REEP5: variants seen among roughly 807,000 people sequenced by gnomAD.
REEP5 encodes receptor accessory protein 5, also known as receptor expression-enhancing protein 5.
REEP5 carries 24 observed loss-of-function variants against 22.4 expected under a neutral mutation model. The ratio of observed to expected loss-of-function variants is 1.07; its 90% CI spans 0.78 to 1.51. The LOEUF (loss-of-function observed/expected upper bound fraction) is 1.51, where lower values mean the gene tolerates loss of function less well. Among genes scored for constraint, REEP5 ranks in the 40% most tolerant of loss-of-function variants. The probability of loss-of-function intolerance (pLI) is 0.00; values close to 1 mark genes in which losing one functional copy is unlikely to be tolerated. For synonymous variants in REEP5, 103 were observed against 88.6 expected (o/e 1.16, Z -0.92); for missense variants, 252 against 233.0 (o/e 1.08, Z -0.53).
chr5:112,921,666 G>C (rs1007627229), intron 1 of REEP5: 1 of 241,418 alleles, frequency 4.1e-6, no homozygotes, highest in Non-Finnish European at 8.0e-6. Flanking sequence ...CCGCCCACCC[G>C]AGAGGCGCCC....
chr5:112,882,805 A>G (rs1305982460), intron 4 of REEP5, among the ~76,000 whole-genome samples: 2 of 152,158 alleles, frequency 1.3e-5, no homozygotes, highest in Non-Finnish European at 2.9e-5. Context: ...CTTCGCAACT[A>G]TTTCATACCT....
intron 3 of REEP5, chr5:112,891,645 T>G: frequency 6.2e-7 from 1 of 1,606,256 alleles, no homozygotes; most frequent in East Asian, 2.2e-5. Flanking sequence ...GCAAGATGGC[T>G]GCACTTGAGA....
intron 4 of REEP5, among the ~76,000 whole-genome samples, chr5:112,879,734 C>T (rs1768012112): frequency 6.6e-6 from 1 of 152,020 alleles, no homozygotes; most frequent in African/African-American, 2.4e-5. Flanking sequence ...CCTTGGCCTC[C>T]CAAAGTGCTG....
rs550859194 is a variant in REEP5 at position 112,878,249 on chromosome 5, T to C, written c.*537A>G. ...CAGCTTTTGGCAGGTGGTCTTACTG[T>C]ACAGAAGTTATAAATGACACATACA... On this transcript the variant is annotated 3_prime_UTR_variant, in exon 5 of 5. Transcript: ENST00000379638. 1 of 154,072 alleles carries C rather than the reference T, an allele frequency of 6.5e-6. No individual in the cohort carries two copies. The highest frequency in any genetic ancestry group is 2.0e-4 in the South Asian group (1 of 4,946). 9.5% of individuals were successfully genotyped at this position (154,072 alleles called of 1,614,324 possible).
chr5:112,902,465 T>C lies in REEP5; in HGVS notation c.266A>G (p.Tyr89Cys). 2 of 1,612,812 alleles carry C rather than the reference T, an allele frequency of 1.2e-6. No homozygotes were observed. Among genetic ancestry groups the C allele is most frequent in the East Asian group, 2.2e-5 (1 of 44,820 alleles). ...GCTGAACACACCATACACTACCCAG[T>C]AGGTCAGCCACTGGGTATCATCTTC... is the stretch of plus-strand genomic sequence containing the variant. ...NKEDDTQWLT[Y>C]WVVYGVFSIA... Residue 89 changes from tyrosine (Y) to cysteine (C), a missense_variant, in exon 3 of 5, where the codon TAC (tyrosine) becomes TGC (cysteine). By Grantham distance (194) the Tyr-to-Cys change is radical. Coordinates refer to ENST00000379638, the MANE Select transcript of REEP5 (RefSeq NM_005669.5).
intron 2 of REEP5, 49 bp downstream of exon 2, chr5:112,921,114 G>C (rs529613592): frequency 1.6e-5 from 25 of 1,565,490 alleles, no homozygotes; most frequent in South Asian, 2.2e-5. Context: ...CAGCCCTGCG[G>C]GGAGGAATGG....
intron 4 of REEP5, among the ~76,000 whole-genome samples, chr5:112,881,633 T>A (rs1458949110): frequency 1.3e-5 from 2 of 152,206 alleles, no homozygotes; most frequent in Middle Eastern, 3.2e-3. Context: ...ATTGCCACTT[T>A]CAGAATCTCA....
At chr5:112,890,350 A>C (rs1163700707) in intron 3 of REEP5, among the ~76,000 whole-genome samples, 8 of 144,768 alleles carry the variant, frequency 5.5e-5, no homozygotes, top group African/African-American at 2.2e-4. Context: ...ATACAGAATA[A>C]AGAACACAAA....
At chr5:112,886,444 C>T (rs1350966785) in intron 4 of REEP5, among the ~76,000 whole-genome samples, 6 of 152,164 alleles carry the variant, frequency 3.9e-5, no homozygotes, top group South Asian at 2.1e-4. Flanking sequence ...TTTCTCCTCC[C>T]GCTTTTTGGC....
At chr5:112,897,572 C>T (rs1212602385) in intron 3 of REEP5, 1 of 152,186 alleles carries the variant, frequency 6.6e-6, no homozygotes, top group African/African-American at 2.4e-5. Flanking sequence ...CCCTCTTGCT[C>T]AAGGCCAGAT....
At chr5:112,891,950 G>A in intron 3 of REEP5, 3 of 1,245,620 alleles carry the variant, frequency 2.4e-6, no homozygotes, top group Non-Finnish European at 3.6e-6. Context: ...GCTAAAAAAT[G>A]GCTAGAAGAA....
intron 2 of REEP5, among the ~76,000 whole-genome samples, chr5:112,915,588 A>C (rs1482249663): frequency 6.6e-6 from 1 of 152,220 alleles, no homozygotes; most frequent in East Asian, 1.9e-4. Flanking sequence ...ATTTAAATTA[A>C]GTAAATTAAA....
intron 2 of REEP5, among the ~76,000 whole-genome samples, chr5:112,908,635 C>T (rs569193537): frequency 6.6e-6 from 1 of 152,176 alleles, no homozygotes; most frequent in African/African-American, 2.4e-5. Context: ...ATGCCATTCT[C>T]CTGCCTCAAC....
rs570914184 is a variant in REEP5, at chr5:112,877,255, T to A, written c.*1531A>T. On this transcript the variant is annotated 3_prime_UTR_variant, in exon 5 of 5. Coordinates refer to ENST00000379638, the MANE Select transcript of REEP5 (RefSeq NM_005669.5). The stretch of plus-strand genomic sequence containing the variant: ...TAATATTTTTTACATCATGAGACAT[T>A]GTTATGATCTTACCTGATTGTTATC... The A allele has an allele frequency of 1.3e-5, 2 of 152,190 alleles. No individual in the cohort carries two copies. The highest frequency in any genetic ancestry group is 4.1e-4 in the South Asian group (2 of 4,832). 9.4% of individuals were successfully genotyped at this position (152,190 alleles called of 1,614,324 possible).
chr5:112,905,993 C>G (rs1398618152), intron 2 of REEP5, among the ~76,000 whole-genome samples: 1 of 152,176 alleles, frequency 6.6e-6, no homozygotes, highest in Non-Finnish European at 1.5e-5. Flanking sequence ...CAACAAAACA[C>G]TCTACTGCCT....
intron 2 of REEP5, among the ~76,000 whole-genome samples, chr5:112,915,003 T>A (rs1267334918): frequency 2.0e-5 from 3 of 152,262 alleles, no homozygotes; most frequent in African/African-American, 7.2e-5. Context: ...CAAAATTAAT[T>A]GTTAATGTTA....
At chr5:112,886,502 G>A (rs765018358) in intron 4 of REEP5, among the ~76,000 whole-genome samples, 20 of 152,196 alleles carry the variant, frequency 1.3e-4, no homozygotes, top group Admixed American at 4.6e-4. Flanking sequence ...TCTTCTGCAA[G>A]TGGAGAGAAC....
chr5:112,903,011 T>C (rs781475248), intron 2 of REEP5, among the ~76,000 whole-genome samples: 4 of 152,228 alleles, frequency 2.6e-5, no homozygotes, highest in Non-Finnish European at 4.4e-5. Flanking sequence ...GCATATTTTA[T>C]AGTAAACGGG....
intron 4 of REEP5, chr5:112,881,975 T>C (rs1768091196): frequency 6.6e-6 from 1 of 152,136 alleles, no homozygotes; most frequent in African/African-American, 2.4e-5. Context: ...TTTCACCATG[T>C]TACTCAGGCT....
Sources: allele counts gnomAD v4.1 joint callset (sites outside exome capture counted in the v4.1 genomes callset), GRCh38; gene constraint gnomAD v4.1.1; transcripts MANE v1.5; gene names NCBI Gene and HGNC (gene_info 2026-07-23, HGNC 2026-07-21).